The following GLRA2 variants were observed in gnomAD, a reference collection of about 807,000 sequenced individuals.
The protein encoded by GLRA2 is glycine receptor subunit alpha-2.
In GLRA2, 11 loss-of-function variants were observed where a neutral mutation model predicts 31.6. The observed-to-expected ratio is 0.35, with a 90% confidence interval of 0.22 to 0.58. The LOEUF (loss-of-function observed/expected upper bound fraction) is 0.58, where lower values mean the gene tolerates loss of function less well. GLRA2 is among the 20% of genes least tolerant of loss of function. The pLI, the probability that GLRA2 is intolerant of heterozygous loss-of-function variation, is 0.84. For missense variants in GLRA2, 212 were observed against 351.8 expected, an observed-to-expected ratio of 0.60 and a Z score of 3.18; for synonymous variants, 132 against 134.0, an observed-to-expected ratio of 0.99 and a Z score of 0.10.
chrX:14,455,188 A>G, the GLRA2 span, among the ~76,000 whole-genome samples: 1 of 111,914 alleles, frequency 8.9e-6, no homozygotes, highest in African/African-American at 3.2e-5. Context: ...TGTAAAATGA[A>G]GGATATTGCT....
the GLRA2 span, among the ~76,000 whole-genome samples, chrX:14,460,676 T>C: frequency 2.7e-5 from 3 of 112,289 alleles, no homozygotes; most frequent in African/African-American, 9.7e-5. Context: ...CTGATGGTAG[T>C]TTGTATTTCT....
chrX:14,559,701 G>C (rs968164486), intron 2 of GLRA2, among the ~76,000 whole-genome samples: 4 of 109,684 alleles, frequency 3.6e-5, no homozygotes, highest in South Asian at 4.0e-4. Context: ...TTATAGACAT[G>C]AGCCACCGCA....
In GLRA2 at chrX:14,651,445, G is replaced by A. The variant is rs778562153; in HGVS notation, c.931-39265G>A. ...CCACACAATGAGCTTTTTGGTCAAC[G>A]ATGAACCACATATACAATGGCAGTC... On this transcript the variant is annotated intron_variant, in intron 7 of 8. Coordinates refer to ENST00000218075, the MANE Select transcript of GLRA2 (RefSeq NM_002063.4). Among the ~76,000 whole-genome samples the A allele has an allele frequency of 1.9e-4, 21 of 111,073 alleles. No individual in the cohort carries two copies. In the East Asian group the frequency reaches 2.5e-3, roughly 13 times the overall value.
chrX:14,699,231 C>T (rs1180476722), intron 8 of GLRA2, among the ~76,000 whole-genome samples: 3 of 111,838 alleles, frequency 2.7e-5, no homozygotes, highest in Non-Finnish European at 5.6e-5. Context: ...TACAATGCAG[C>T]CTCACCTGCA....
At chrX:14,528,483 C>T (rs2089209709), upstream of GLRA2, among the ~76,000 whole-genome samples, 1 of 111,973 alleles carries the variant, frequency 8.9e-6, no homozygotes, top group Non-Finnish European at 1.9e-5. Context: ...TATGGTAGGA[C>T]ATGCATTTTT....
At chrX:14,593,218 G>T (rs1207726966) in intron 4 of GLRA2, among the ~76,000 whole-genome samples, 2 of 111,432 alleles carry the variant, frequency 1.8e-5, no homozygotes, top group Non-Finnish European at 3.8e-5. Flanking sequence ...AAAAAAAAAT[G>T]TGTCCATCTG....
intron 8 of GLRA2, among the ~76,000 whole-genome samples, chrX:14,697,106 T>G (rs1253099310): frequency 1.8e-5 from 2 of 109,658 alleles, no homozygotes; most frequent in East Asian, 5.6e-4. Flanking sequence ...AAAAAAATGA[T>G]AACAAGAGCT....
At chrX:14,513,326 C>T in the GLRA2 span, among the ~76,000 whole-genome samples, 5 of 111,442 alleles carry the variant, frequency 4.5e-5, no homozygotes, top group Non-Finnish European at 7.5e-5. Context: ...TAGAAGATAA[C>T]ATCAGAAAAA....
intron 7 of GLRA2, among the ~76,000 whole-genome samples, chrX:14,615,361 C>A (rs1271411333): frequency 8.9e-6 from 1 of 112,023 alleles, no homozygotes; most frequent in Non-Finnish European, 1.9e-5. Context: ...TTTATCTGTG[C>A]CATGCATTCT....
chrX:14,709,775 G>A (rs1467591018), intron 8 of GLRA2, among the ~76,000 whole-genome samples: 1 of 111,839 alleles, frequency 8.9e-6, no homozygotes, highest in Non-Finnish European at 1.9e-5. Flanking sequence ...TTACTCTGCT[G>A]CTTTGAATGT....
chrX:14,605,863 G>T (rs912540456), intron 5 of GLRA2, among the ~76,000 whole-genome samples: 2 of 111,445 alleles, frequency 1.8e-5, no homozygotes, highest in Admixed American at 1.9e-4. Flanking sequence ...AAGCTCACCA[G>T]ACAAGAACGT....
intron 8 of GLRA2, among the ~76,000 whole-genome samples, chrX:14,717,983 G>A (rs896567023): frequency 9.0e-6 from 1 of 110,908 alleles, no homozygotes; most frequent in African/African-American, 3.3e-5. Flanking sequence ...GAATGTCGTC[G>A]GGTACGACAT....
intron 2 of GLRA2, among the ~76,000 whole-genome samples, chrX:14,534,325 G>A (rs1165937261): frequency 1.8e-5 from 2 of 109,627 alleles, no homozygotes; most frequent in African/African-American, 6.6e-5. Context: ...ACATTAGTGG[G>A]ATTCATTGAG....
rs58282642 is a variant in GLRA2 at position 14,557,102 on chromosome X, C to CTTTTTTT, written c.203-17206_203-17200dup. Among the ~76,000 whole-genome samples the CTTTTTTT allele has an allele frequency of 2.4e-4, 11 of 46,341 alleles. 2 individuals carry two copies. The highest frequency in any genetic ancestry group is 6.7e-4 in the African/African-American group (7 of 10,468). 40.2% of individuals were successfully genotyped at this position (46,341 alleles called of 115,157 possible). A position where few individuals can be genotyped will look rare whatever the true frequency, so the allele number is the denominator to read the frequency against. ...TGCCATGTCTTCACCTAAAGTATTT[C>CTTTTTTT]TTTTTTTTTTTTTTTTTTTTTTTTT... On this transcript the variant is annotated intron_variant, in intron 2 of 8. Transcript: ENST00000218075.
intron 2 of GLRA2, among the ~76,000 whole-genome samples, chrX:14,571,265 C>T (rs140745928): frequency 8.9e-5 from 10 of 111,981 alleles, no homozygotes; most frequent in South Asian, 7.5e-4. Flanking sequence ...TTACAGAGCA[C>T]ATTCATTCAC....
the GLRA2 span, among the ~76,000 whole-genome samples, chrX:14,494,491 G>GT: frequency 9.0e-6 from 1 of 110,681 alleles, no homozygotes; most frequent in African/African-American, 3.3e-5. Flanking sequence ...TCACAAAACT[G>GT]GTTTTTTTCT....
chrX:14,693,565 C>T (rs1403150122), intron 8 of GLRA2, among the ~76,000 whole-genome samples: 5 of 111,763 alleles, frequency 4.5e-5, no homozygotes, highest in African/African-American at 1.3e-4. Flanking sequence ...AGAAAAAAAG[C>T]AGACAGAAAG....
intron 7 of GLRA2, among the ~76,000 whole-genome samples, chrX:14,616,138 G>A (rs1398678688): frequency 1.8e-5 from 2 of 111,925 alleles, no homozygotes; most frequent in South Asian, 3.7e-4. Context: ...AATGGAAGAT[G>A]GAAGACTGAG....
chrX:14,703,282 C>A (rs2091573045), intron 8 of GLRA2, among the ~76,000 whole-genome samples: 1 of 111,473 alleles, frequency 9.0e-6, no homozygotes, highest in East Asian at 2.8e-4. Context: ...AGGGGAGAAT[C>A]TGATTTCTTG....
Sources: allele counts gnomAD v4.1 joint callset (sites outside exome capture counted in the v4.1 genomes callset), GRCh38; gene constraint gnomAD v4.1.1; transcripts MANE v1.5; gene names NCBI Gene and HGNC (gene_info 2026-07-23, HGNC 2026-07-21).